The following PTPDC1 variants were observed in gnomAD, a reference collection of about 807,000 sequenced individuals.
The protein encoded by PTPDC1 is protein tyrosine phosphatase domain containing 1.
PTPDC1 carries 53 observed loss-of-function variants against 75.3 expected under a neutral mutation model. The ratio of observed to expected loss-of-function variants is 0.70; its 90% CI spans 0.56 to 0.88. The LOEUF is 0.88. PTPDC1 is among the 40% of genes least tolerant of loss of function. PTPDC1 has a pLI of 0.00. For synonymous variants in PTPDC1, 349 were observed against 366.2 expected (o/e 0.95, Z 0.54); for missense variants, 925 against 998.6 (o/e 0.93, Z 0.99).
At chr9:94,078,912 G>T (rs1440707112) in intron 2 of PTPDC1, among the ~76,000 whole-genome samples, 1 of 152,112 alleles carries the variant, frequency 6.6e-6, no homozygotes, top group African/African-American at 2.4e-5. Flanking sequence ...TTAAACATGG[G>T]TTCCTTTAGG....
chr9:94,067,671 A>G (rs1826358468), intron 2 of PTPDC1, among the ~76,000 whole-genome samples: 1 of 151,856 alleles, frequency 6.6e-6, no homozygotes, highest in African/African-American at 2.4e-5. Flanking sequence ...GCACCATCTC[A>G]GCTCCCTGTA....
chr9:94,076,862 A>T (rs1256709465), intron 2 of PTPDC1, among the ~76,000 whole-genome samples: 1 of 151,954 alleles, frequency 6.6e-6, no homozygotes, highest in East Asian at 1.9e-4. Flanking sequence ...CGGGCATTTG[A>T]TTGTAGCCAT....
chr9:94,031,269 T>C (rs1829721096), intron 1 of PTPDC1: 1 of 152,154 alleles, frequency 6.6e-6, no homozygotes, highest in Non-Finnish European at 1.5e-5. Context: ...TTAAAGGTCT[T>C]GGATTTGAGG....
At chr9:94,102,362 T>C (rs1245641522) in intron 7 of PTPDC1, among the ~76,000 whole-genome samples, 1 of 151,418 alleles carries the variant, frequency 6.6e-6, no homozygotes, top group African/African-American at 2.4e-5. Flanking sequence ...ATAAAAGATA[T>C]ATGTTTAAAA....
In PTPDC1 at chr9:94,097,881, A is replaced by C; in HGVS notation, c.1315A>C (p.Thr439Pro). Residue 439 changes from threonine (T) to proline (P), a missense_variant, in exon 6 of 9, where the codon ACT becomes CCT. Transcript: ENST00000620992. ...RRNVECLQPL[T>P]HLKRRLSYSD... Reference sequence around the variant, plus strand: ...GAATGTTGAGTGCCTTCAACCCCTGACTCATCTGAAAAGGCGGCTCAGCTA... The same window carrying C: ...GAATGTTGAGTGCCTTCAACCCCTGCCTCATCTGAAAAGGCGGCTCAGCTA... 1 of 1,614,076 alleles carries C rather than the reference A, an allele frequency of 6.2e-7. No individual in the cohort carries two copies. Among genetic ancestry groups the C allele is most frequent in the Non-Finnish European group, 8.5e-7 (1 of 1,180,016 alleles).
At chr9:94,038,493 C>T (rs1825341626) in intron 1 of PTPDC1, 1 of 262,706 alleles carries the variant, frequency 3.8e-6, no homozygotes, top group East Asian at 9.3e-5. Flanking sequence ...TGATTTAAGA[C>T]TGGCTTGTGG....
At chr9:94,046,669 T>A (rs1366817887) in intron 1 of PTPDC1, among the ~76,000 whole-genome samples, 1 of 152,226 alleles carries the variant, frequency 6.6e-6, no homozygotes, top group Non-Finnish European at 1.5e-5. Flanking sequence ...TGTTTAAGAA[T>A]GCTTGTGATT....
At chr9:94,045,413 C>T (rs368113636) in intron 1 of PTPDC1, among the ~76,000 whole-genome samples, 23 of 152,112 alleles carry the variant, frequency 1.5e-4, no homozygotes, top group East Asian at 5.8e-4. Context: ...CCAGAGGAAT[C>T]GCCACACTGA....
chr9:94,096,205 C>A (rs1332444610), intron 5 of PTPDC1, among the ~76,000 whole-genome samples: 2 of 152,218 alleles, frequency 1.3e-5, no homozygotes, highest in African/African-American at 4.8e-5. Flanking sequence ...GCTCTGTCCG[C>A]AGTGTACCTG....
chr9:94,084,642 C>A lies in PTPDC1; in HGVS notation c.112C>A (p.Arg38=). The change falls in exon 1 of 9, where the codon CGG becomes AGG. Residue 38 remains arginine (R), a synonymous_variant. Transcript: ENST00000620992. ...SDPVLRLQQA[R]RGSGLGSGSA... Reference sequence around the variant, plus strand: ...CCCAGTACTGCGGCTGCAGCAGGCCCGGCGGGGCTCTGGCTTGGGCTCCGG... The same window carrying A: ...CCCAGTACTGCGGCTGCAGCAGGCCAGGCGGGGCTCTGGCTTGGGCTCCGG... 6.2e-7 allele frequency: 1 copy of A among 1,613,278 alleles called. No homozygotes were observed. The highest frequency in any genetic ancestry group is 8.5e-7 in the Non-Finnish European group (1 of 1,179,714).
chr9:94,101,843 C>A, intron 7 of PTPDC1, 92 bp downstream of exon 7: 3 of 698,924 alleles, frequency 4.3e-6, no homozygotes, highest in Non-Finnish European at 4.5e-6. Context: ...AAAGAGAATT[C>A]ACACAGAATC....
chr9:94,088,972 A>G (rs1827177352), intron 4 of PTPDC1, among the ~76,000 whole-genome samples: 1 of 152,024 alleles, frequency 6.6e-6, no homozygotes, highest in Non-Finnish European at 1.5e-5. Context: ...AGCATGAATC[A>G]TTGACTTTAT....
At chr9:94,044,398 A>G (rs1825522995) in intron 1 of PTPDC1, among the ~76,000 whole-genome samples, 1 of 152,162 alleles carries the variant, frequency 6.6e-6, no homozygotes, top group African/African-American at 2.4e-5. Flanking sequence ...GCACAGATCA[A>G]CCCATCACCC....
intron 1 of PTPDC1, among the ~76,000 whole-genome samples, chr9:94,049,036 A>ATT (rs35970215): frequency 3.2e-4 from 48 of 151,360 alleles, no homozygotes; most frequent in African/African-American, 8.7e-4. Context: ...ACCCCTGCTT[A>ATT]TTTTTTTTGT....
At chr9:94,085,467 A>G (rs1411245137) in intron 2 of PTPDC1, 45 bp downstream of exon 2, 2 of 1,602,114 alleles carry the variant, frequency 1.2e-6, no homozygotes, top group Non-Finnish European at 1.7e-6. Context: ...GGATACAGGA[A>G]GGACACTCTG....
At chr9:94,095,247 T>TGCCG in intron 4 of PTPDC1, 70 bp from the exon 5 acceptor site, 1 of 1,145,648 alleles carries the variant, frequency 8.7e-7, no homozygotes, top group Non-Finnish European at 1.2e-6. Context: ...ATCTGTGTAC[T>TGCCG]TTTCATTAGT....
chr9:94,065,799 G>A (rs1393838644), intron 2 of PTPDC1, among the ~76,000 whole-genome samples: 2 of 152,174 alleles, frequency 1.3e-5, no homozygotes, highest in African/African-American at 4.8e-5. Flanking sequence ...CAGACTTAAT[G>A]TGTTAGTTTC....
chr9:94,055,209 T>C lies in PTPDC1; in HGVS notation c.-6-9525T>C, dbSNP rs1825896404. On this transcript the variant is annotated intron_variant, in intron 1 of 9. Coordinates refer to the PTPDC1 transcript ENST00000375360. ...TGAACTGTGGGAATTCAAATTCCAGTTCTAGTGCTTAATAACTGTGTAACT... is the reference window on the plus strand; with the variant it reads ...TGAACTGTGGGAATTCAAATTCCAGCTCTAGTGCTTAATAACTGTGTAACT... Among the ~76,000 whole-genome samples the C allele has an allele frequency of 2.6e-5, 4 of 152,350 alleles. No individual in the cohort carries two copies. The South Asian group carries it at 8.3e-4, about 32-fold the overall frequency.
intron 1 of PTPDC1, among the ~76,000 whole-genome samples, chr9:94,059,576 G>C (rs1826064295): frequency 6.6e-6 from 1 of 152,164 alleles, no homozygotes; most frequent in Non-Finnish European, 1.5e-5. Flanking sequence ...TATGGTAAAT[G>C]AGGCAGTTTC....
Sources: allele counts gnomAD v4.1 joint callset (sites outside exome capture counted in the v4.1 genomes callset), GRCh38; gene constraint gnomAD v4.1.1; transcripts MANE v1.5; gene names NCBI Gene and HGNC (gene_info 2026-07-23, HGNC 2026-07-21).